SYNE2: variants seen among roughly 807,000 people sequenced by gnomAD.
SYNE2 encodes the protein spectrin repeat containing nuclear envelope protein 2.
Under a neutral mutation model 856.3 loss-of-function variants are expected in SYNE2, and 431 were observed. The ratio of observed to expected loss-of-function variants is 0.50; its 90% confidence interval spans 0.47 to 0.55. The LOEUF is 0.55. Ranked by LOEUF, SYNE2 falls within the 20% of genes least tolerant of loss-of-function variation. The probability of loss-of-function intolerance (pLI) is 0.00; values close to 1 mark genes in which losing one functional copy is unlikely to be tolerated. For missense variants in SYNE2, 8,129 were observed against 8,023.2 expected (o/e 1.01, Z -0.50); for synonymous variants, 2,923 against 2,872.3 (o/e 1.02, Z -0.56).
chr14:63,829,921 C>T (rs1189268798), intron 1 of SYNE2, among the ~76,000 whole-genome samples: 7 of 151,990 alleles, frequency 4.6e-5, no homozygotes, highest in Non-Finnish European at 1.0e-4. Context: ...GCCCAGACAA[C>T]AACATTATTT....
chr14:64,007,085 T>C lies in SYNE2; in HGVS notation c.4440T>C (p.Tyr1480=), dbSNP rs545078063. The change falls in exon 31 of 116, where the codon TAT becomes TAC. Residue 1480 remains tyrosine, a synonymous_variant. Transcript: ENST00000555002. ...LIRLDKVLDE[Y]EEEKRHLQEM... is the part of the protein sequence containing the mutation. Reference sequence around the variant, plus strand: ...GACTGGATAAGGTTCTAGATGAATATGAAGAAGAGAAGAGACATTTACAAG... The same window carrying C: ...GACTGGATAAGGTTCTAGATGAATACGAAGAAGAGAAGAGACATTTACAAG... 34 of 1,613,880 alleles carry C rather than the reference T, an allele frequency of 2.1e-5. No homozygotes were observed. In the South Asian group the frequency reaches 3.4e-4, roughly 16 times the overall value.
chr14:63,882,463 C>T (rs528469954), intron 1 of SYNE2, among the ~76,000 whole-genome samples: 66 of 152,032 alleles, frequency 4.3e-4, no homozygotes, highest in Middle Eastern at 3.4e-3. Context: ...CACCAGTAAT[C>T]CCAGCACTTT....
rs555837101 is a variant in SYNE2, at chr14:64,014,421, T to G, written c.4729-2052T>G. Reference sequence around the variant, plus strand: ...CTGGGTCATATGTTAATTGCATGGGTTTTTTTTGTTTGTTTGTTTGTTTTT... The same window carrying G: ...CTGGGTCATATGTTAATTGCATGGGGTTTTTTTGTTTGTTTGTTTGTTTTT... On this transcript the variant is annotated intron_variant, in intron 32 of 115. Transcript: ENST00000555002. 2.1e-4 allele frequency among the ~76,000 whole-genome samples: 32 copies of G among 151,820 alleles called. No individual in the cohort carries two copies. The East Asian group carries it at 5.8e-3, about 28-fold the overall frequency.
At chr14:64,027,842 A>ATACTTAT in intron 43 of SYNE2, 49 bp downstream of exon 43, 4 of 1,367,632 alleles carry the variant, frequency 2.9e-6, no homozygotes, top group Non-Finnish European at 3.1e-6. Flanking sequence ...ATTATACATA[A>ATACTTAT]GTATGCAAGA....
Position 64,225,438 on chromosome 14 carries a change from A to T in SYNE2, c.20636A>T (p.Glu6879Val), listed in dbSNP as rs757149542. The T allele has an allele frequency of 2.0e-5, 33 of 1,612,920 alleles. No homozygotes were observed. The highest frequency in any genetic ancestry group is 2.8e-5 in the Non-Finnish European group (33 of 1,178,978). Residue 6879 changes from glutamate to valine, a missense_variant, in exon 116 of 116, where the codon GAA becomes GTA. Glu to Val is a moderately radical substitution (Grantham distance 121). Transcript: ENST00000555002. ...CTGGCCTGCCTGCTGCCCTCCTCCG[A>T]AGAAGACTACAGCTGCACTCAGGCC... The part of the protein sequence containing the change: ...LLLACLLPSS[E>V]EDYSCTQANN...
chr14:64,063,715 A>C (rs1003660990), intron 50 of SYNE2, among the ~76,000 whole-genome samples: 1 of 152,256 alleles, frequency 6.6e-6, no homozygotes, highest in Non-Finnish European at 1.5e-5. Context: ...CAAAAACAAA[A>C]GCGAACCAAG....
At chr14:64,016,668 G>A (rs911446534) in intron 33 of SYNE2, 37 bp downstream of exon 33, 4 of 1,423,128 alleles carry the variant, frequency 2.8e-6, no homozygotes, top group Non-Finnish European at 3.9e-6. Flanking sequence ...ATTTAATTTT[G>A]TTTCCAATAT....
At chr14:64,086,108 C>T (rs2097559504) in intron 57 of SYNE2, among the ~76,000 whole-genome samples, 1 of 152,176 alleles carries the variant, frequency 6.6e-6, no homozygotes, top group African/African-American at 2.4e-5. Flanking sequence ...AGATTTCTTC[C>T]TGTGTTTTCT....
chr14:64,066,737 A>C (rs2097361432), intron 51 of SYNE2, among the ~76,000 whole-genome samples: 1 of 152,152 alleles, frequency 6.6e-6, no homozygotes, highest in Non-Finnish European at 1.5e-5. Context: ...CCATTTATTG[A>C]GTTACTATGC....
intron 2 of SYNE2, among the ~76,000 whole-genome samples, chr14:63,933,254 C>T (rs1459096782): frequency 6.6e-6 from 1 of 152,144 alleles, no homozygotes; most frequent in East Asian, 1.9e-4. Context: ...CAGGTAACTG[C>T]TTCTGAACTC....
intron 1 of SYNE2, among the ~76,000 whole-genome samples, chr14:63,801,671 T>C (rs1188221360): frequency 2.0e-5 from 3 of 151,042 alleles, no homozygotes; most frequent in African/African-American, 7.3e-5. Context: ...TGAAACTCCA[T>C]CTCGAAAAAA....
intron 1 of SYNE2, among the ~76,000 whole-genome samples, chr14:63,906,914 A>G (rs1370661238): frequency 1.3e-5 from 2 of 152,228 alleles, no homozygotes; most frequent in Non-Finnish European, 2.9e-5. Context: ...CCATCCTCTC[A>G]GTCTATCCTC....
At chr14:64,098,667 A>G (rs2097696680) in intron 62 of SYNE2, 80 bp from the exon 63 acceptor site, 2 of 1,477,130 alleles carry the variant, frequency 1.4e-6, no homozygotes, top group South Asian at 1.2e-5. Context: ...AATTAGCTAC[A>G]TAAAAATGCA....
rs763284629 is a variant in SYNE2, at chr14:64,220,517, G to A, written c.19941G>A (p.Glu6647=). The change falls in exon 111 of 116, where the codon GAG becomes GAA. Residue 6647 remains glutamate, a synonymous_variant. Transcript: ENST00000555002. ...NVSSKEFLQT[E]SPESTELQSR... ...GCAGCAAGGAATTTCTGCAAACCGA[G>A]AGCCCCGAATCCACAGAGCTCCAAA... 1 of 1,614,194 alleles carries A rather than the reference G, an allele frequency of 6.2e-7. No individual in the cohort carries two copies. Among genetic ancestry groups the A allele is most frequent in the Admixed American group, 1.7e-5 (1 of 60,022 alleles).
At chr14:63,957,996 C>T (rs972790842) in intron 8 of SYNE2, among the ~76,000 whole-genome samples, 3 of 151,788 alleles carry the variant, frequency 2.0e-5, no homozygotes, top group African/African-American at 4.8e-5. Flanking sequence ...GAGCGGAGAT[C>T]GTGCCACTGC....
intron 81 of SYNE2, 91 bp from the exon 82 acceptor site, chr14:64,141,851 C>A: frequency 3.6e-6 from 5 of 1,387,814 alleles, no homozygotes; most frequent in Middle Eastern, 2.0e-4. Context: ...TATAGCAAGA[C>A]CTTTTATCAA....
In SYNE2 at chr14:64,031,081, C is replaced by A. The variant is rs564454573; in HGVS notation, c.6945C>A (p.Ser2315=). The A allele has an allele frequency of 1.2e-6, 2 of 1,613,880 alleles. No individual in the cohort carries two copies. Among genetic ancestry groups the A allele is most frequent in the Admixed American group, 3.3e-5 (2 of 59,978 alleles). The stretch of plus-strand genomic sequence containing the variant: ...AGAAGATTTTAGCTTTAGCAAAATC[C>A]GTCAAGCAAAATACATCTTCAGTGG... The part of the protein sequence containing the change: ...TLKKILALAK[S]VKQNTSSVGQ... The change falls in exon 45 of 116, where the codon TCC becomes TCA. Residue 2315 remains serine (S), a synonymous_variant. Transcript: ENST00000555002.
intron 30 of SYNE2, among the ~76,000 whole-genome samples, chr14:64,005,321 C>T (rs953549148): frequency 3.5e-4 from 54 of 152,134 alleles, no homozygotes; most frequent in African/African-American, 1.2e-3. Flanking sequence ...GTAGTAATCC[C>T]TGGTAGGGAT....
rs1274876256 is a variant in SYNE2 at position 64,122,120 on chromosome 14, G to A, written c.13267G>A (p.Glu4423Lys). ...CCAACATGATAACGATACAACTCAG[G>A]AATCATCTGCAAGGTAAAACATTTA... ...YCQHDNDTTQESSASNQASSP... is the reference protein window; with the variant it reads ...YCQHDNDTTQKSSASNQASSP... Residue 4423 changes from glutamate to lysine, a missense_variant, in exon 69 of 116, where the codon GAA becomes AAA. By Grantham distance (56) the Glu-to-Lys change is moderately conservative. This residue lies in a region of SYNE2 where 5,410 missense variants were observed against 5,284.8 expected (regional missense o/e 1.02). Coordinates refer to ENST00000555002, the MANE Select transcript of SYNE2 (RefSeq NM_182914.3). 2 of 1,614,138 alleles carry A rather than the reference G, an allele frequency of 1.2e-6. No individual in the cohort carries two copies. The highest frequency in any genetic ancestry group is 1.7e-6 in the Non-Finnish European group (2 of 1,180,038).
Sources: allele counts gnomAD v4.1 joint callset (sites outside exome capture counted in the v4.1 genomes callset), GRCh38; gene constraint gnomAD v4.1.1; regional missense constraint gnomAD v4.1.1; transcripts MANE v1.5; gene names NCBI Gene and HGNC (gene_info 2026-07-23, HGNC 2026-07-21).